The following ANKRD12 variants were observed in gnomAD, a reference collection of about 807,000 sequenced individuals.
ANKRD12 encodes the protein ankyrin repeat domain-containing protein 12.
A neutral mutation model predicts 183.4 loss-of-function variants in ANKRD12; 85 were observed. The ratio of observed to expected loss-of-function variants is 0.46; its 90% CI spans 0.39 to 0.56. The LOEUF is 0.56. Among genes scored for constraint, ANKRD12 ranks in the 20% least tolerant of loss-of-function variants. ANKRD12 has a pLI of 0.00. For missense variants in ANKRD12, 2,405 were observed against 2,357.1 expected (o/e 1.02, Z -0.42); for synonymous variants, 914 against 800.2 (o/e 1.14, Z -2.40).
intron 5 of ANKRD12, 47 bp from the exon 6 acceptor site, chr18:9,211,537 C>T (rs746197769): frequency 6.6e-7 from 1 of 1,510,086 alleles, no homozygotes; most frequent in Non-Finnish European, 9.1e-7. Context: ...AATAAGTATA[C>T]AGAATATTTA....
intron 1 of ANKRD12, among the ~76,000 whole-genome samples, chr18:9,173,031 A>G (rs1410129082): frequency 6.7e-6 from 1 of 148,556 alleles, no homozygotes; most frequent in Non-Finnish European, 1.5e-5. Context: ...TGCTGGGATT[A>G]TAGGCGTGAG....
chr18:9,250,092 T>A (rs1194551190), intron 8 of ANKRD12: 1 of 152,208 alleles, frequency 6.6e-6, no homozygotes, highest in Non-Finnish European at 1.5e-5. Context: ...ATAATAGGGC[T>A]TAATAAATAG....
At chr18:9,190,998 A>G (rs2034419154) in intron 2 of ANKRD12, among the ~76,000 whole-genome samples, 1 of 152,140 alleles carries the variant, frequency 6.6e-6, no homozygotes, top group Admixed American at 6.5e-5. Flanking sequence ...ACGTGTGTAT[A>G]TATATTCTTG....
Position 9,258,868 on chromosome 18 carries a change from T to C in ANKRD12, c.5601T>C (p.Tyr1867=), listed in dbSNP as rs1459897293. The change falls in exon 9 of 13, where the codon TAT becomes TAC. Residue 1867 remains tyrosine, a synonymous_variant. Coordinates refer to ENST00000262126, the MANE Select transcript of ANKRD12 (RefSeq NM_015208.5). ...IPQAPQYYDE[Y]VTFNGSYLLD... ...AAGCACCTCAGTACTATGACGAATATGTAACATTTAACGGATCATATCTCC... is the reference window on the plus strand; with the variant it reads ...AAGCACCTCAGTACTATGACGAATACGTAACATTTAACGGATCATATCTCC... 1 of 1,613,522 alleles carries C rather than the reference T, an allele frequency of 6.2e-7. No individual in the cohort carries two copies. Among genetic ancestry groups the C allele is most frequent in the Admixed American group, 1.7e-5 (1 of 59,904 alleles).
At chr18:9,209,166 T>C (rs1340588659) in intron 5 of ANKRD12, among the ~76,000 whole-genome samples, 1 of 152,226 alleles carries the variant, frequency 6.6e-6, no homozygotes, top group Non-Finnish European at 1.5e-5. Context: ...ATTTATATAC[T>C]GTGTTCTCCA....
At chr18:9,211,467 A>T in intron 5 of ANKRD12, 117 bp from the exon 6 acceptor site, 1 of 868,542 alleles carries the variant, frequency 1.2e-6, no homozygotes, top group East Asian at 2.6e-5. Flanking sequence ...TTAGGTTGTT[A>T]GGGTGAGAAG....
At position 9,255,947 on chromosome 18, in the gene ANKRD12, A is replaced by G. The variant is rs1381183230; in HGVS notation, c.2680A>G (p.Ile894Val). The change falls in exon 9 of 13, where the codon ATT becomes GTT. Residue 894 changes from isoleucine to valine, a missense_variant. Physicochemically the swap from Ile to Val is conservative, Grantham distance 29 (BLOSUM62 3). This residue lies in a region of ANKRD12 where 1,983 missense variants were observed against 1,725.9 expected (regional missense o/e 1.15). Coordinates refer to ENST00000262126, the MANE Select transcript of ANKRD12 (RefSeq NM_015208.5). ...EGEKSKNTAA[I>V]KKTDDREKSR... ...TGAGAAGAGCAAAAATACTGCTGCT[A>G]TTAAAAAAACTGACGACAGAGAGAA... 8 of 1,583,298 alleles carry G rather than the reference A, an allele frequency of 5.1e-6. No homozygotes were observed. Among genetic ancestry groups the G allele is most frequent in the Non-Finnish European group, 6.8e-6 (8 of 1,171,916 alleles).
intron 8 of ANKRD12, among the ~76,000 whole-genome samples, chr18:9,253,004 T>TTA (rs202215474): frequency 0.01 from 1,576 of 152,212 alleles, 20 homozygotes; most frequent in African/African-American, 0.036. Context: ...CCCTGGGTAA[T>TTA]TATATATATA....
At chr18:9,186,442 C>G (rs940957720) in intron 2 of ANKRD12, among the ~76,000 whole-genome samples, 7 of 152,108 alleles carry the variant, frequency 4.6e-5, no homozygotes, top group Non-Finnish European at 1.0e-4. Context: ...TTTTCAAGAT[C>G]AGTAGTTTGG....
intron 1 of ANKRD12, among the ~76,000 whole-genome samples, chr18:9,147,936 A>G (rs1475772994): frequency 2.0e-5 from 3 of 152,190 alleles, no homozygotes; most frequent in Non-Finnish European, 4.4e-5. Flanking sequence ...GAGAAAGGAG[A>G]TGGCAGAATT....
At position 9,254,220 on chromosome 18, in the gene ANKRD12, A is replaced by T. The variant is rs1472634191; in HGVS notation, c.953A>T (p.Glu318Val). Reference protein sequence around the residue: ...DDDESYTDSEEAQSVNPSSVD... With the variant: ...DDDESYTDSEVAQSVNPSSVD... ...CTTTTTTTTATTCTAGATTCCGAAG[A>T]GGCTCAATCTGTAAATCCTTCTAGT... Residue 318 changes from glutamate (E) to valine (V), a missense_variant, in exon 9 of 13, where the codon GAG (glutamate) becomes GTG (valine). Physicochemically the swap from Glu to Val is moderately radical, Grantham distance 121. This residue lies in a region of ANKRD12 where 1,983 missense variants were observed against 1,725.9 expected (regional missense o/e 1.15). Coordinates refer to ENST00000262126, the MANE Select transcript of ANKRD12 (RefSeq NM_015208.5). 2.0e-6 allele frequency: 3 copies of T among 1,534,548 alleles called. No homozygotes were observed. Among genetic ancestry groups the T allele is most frequent in the Non-Finnish European group, 8.7e-7 (1 of 1,144,186 alleles).
chr18:9,277,321 C>CTTTTTTT (rs773999861), intron 11 of ANKRD12, among the ~76,000 whole-genome samples: 10 of 84,630 alleles, frequency 1.2e-4, no homozygotes, highest in African/African-American at 2.3e-4. Context: ...CACCCTGTTT[C>CTTTTTTT]TTTTTTTTTT....
chr18:9,186,542 T>C (rs1011738079), intron 2 of ANKRD12, among the ~76,000 whole-genome samples: 8 of 152,158 alleles, frequency 5.3e-5, no homozygotes, highest in African/African-American at 1.7e-4. Flanking sequence ...TCAAAAGCTG[T>C]TGTTAGAAGT....
chr18:9,280,936 A>T lies in ANKRD12; in HGVS notation c.6004-5A>T. On this transcript the variant is annotated splice_region_variant and splice_polypyrimidine_tract_variant and intron_variant, in intron 12 of 12. Transcript: ENST00000262126. ...ATCAAGTAACTCTTCTCTTCTTTTA[A>T]ATAGACCTGTCTTTTAATGAGGCAA... The T allele has an allele frequency of 1.2e-6, 2 of 1,605,990 alleles. No homozygotes were observed. Among genetic ancestry groups the T allele is most frequent in the Non-Finnish European group, 1.7e-6 (2 of 1,178,136 alleles).
At chr18:9,218,196 T>C (rs1309341250) in intron 7 of ANKRD12, among the ~76,000 whole-genome samples, 1 of 152,220 alleles carries the variant, frequency 6.6e-6, no homozygotes, top group Non-Finnish European at 1.5e-5. Flanking sequence ...AGTTTCTAAA[T>C]ATGCACATAG....
intron 1 of ANKRD12, among the ~76,000 whole-genome samples, chr18:9,160,604 T>C (rs1195073831): frequency 6.6e-6 from 1 of 152,248 alleles, no homozygotes; most frequent in East Asian, 1.9e-4. Flanking sequence ...TGTTTTTTTA[T>C]CACTCTACTC....
At chr18:9,245,255 G>A (rs1457011247) in intron 8 of ANKRD12, among the ~76,000 whole-genome samples, 2 of 151,168 alleles carry the variant, frequency 1.3e-5, no homozygotes, top group East Asian at 3.9e-4. Context: ...TTCGAGAGCA[G>A]CCTGGGCAAC....
chr18:9,275,819 A>T, intron 11 of ANKRD12, 152 bp downstream of exon 11: 1 of 671,782 alleles, frequency 1.5e-6, no homozygotes, highest in South Asian at 3.0e-5. Context: ...GTACTTCCAG[A>T]TCAACTGGTC....
At chr18:9,190,205 C>T (rs555057602) in intron 2 of ANKRD12, among the ~76,000 whole-genome samples, 1 of 152,254 alleles carries the variant, frequency 6.6e-6, no homozygotes, top group African/African-American at 2.4e-5. Context: ...GATTGGAAAA[C>T]GCAAGAGAAT....
Sources: allele counts gnomAD v4.1 joint callset (sites outside exome capture counted in the v4.1 genomes callset), GRCh38; gene constraint gnomAD v4.1.1; regional missense constraint gnomAD v4.1.1; transcripts MANE v1.5; gene names NCBI Gene and HGNC (gene_info 2026-07-23, HGNC 2026-07-21).